Variants in CIZ1 observed in about 807,000 individuals in gnomAD.
The protein encoded by CIZ1 is cip1-interacting zinc finger protein.
Under a neutral mutation model 118.6 loss-of-function variants are expected in CIZ1, and 58 were observed. That is an observed-to-expected ratio of 0.49 (90% CI 0.40 to 0.61). The LOEUF is 0.61. CIZ1 is among the 20% of genes least tolerant of loss of function. CIZ1 has a pLI of 0.00. For missense variants in CIZ1, 921 were observed against 1,115.9 expected (o/e 0.83, Z 2.49); for synonymous variants, 448 against 443.4 (o/e 1.01, Z -0.13).
chr9:128,178,791 C>A lies in CIZ1; in HGVS notation c.1416G>T (p.Ser472=), dbSNP rs112085469. The A allele has an allele frequency of 1.4e-5, 22 of 1,614,146 alleles. No homozygotes were observed. In the South Asian group the frequency reaches 2.2e-4, roughly 16 times the overall value. The change falls in exon 8 of 17, where the codon TCG becomes TCT. Residue 472 remains serine (S), a synonymous_variant. Coordinates refer to ENST00000372938, the MANE Select transcript of CIZ1 (RefSeq NM_001131016.2). ...HEQPHTQPQV[S]LLAPEQTPVV... is the part of the protein sequence containing the mutation. ...CTGGTGTTTGCTCTGGAGCCAGCAA[C>A]GACACCTGCGGCTGGGTGTGAGGCT...
rs1831227931 is a variant in CIZ1 at position 128,179,020 on chromosome 9, T to A, written c.1187A>T (p.Glu396Val). The A allele has an allele frequency of 2.5e-6, 4 of 1,612,774 alleles. No individual in the cohort carries two copies. Among genetic ancestry groups the A allele is most frequent in the Non-Finnish European group, 3.4e-6 (4 of 1,178,850 alleles). The change falls in exon 8 of 17, where the codon GAG (glutamate) becomes GTG (valine). Residue 396 changes from glutamate to valine, a missense_variant. By Grantham distance (121) the Glu-to-Val change is moderately radical. Coordinates refer to ENST00000372938, the MANE Select transcript of CIZ1 (RefSeq NM_001131016.2). ...QGPRQVQLQQ[E>V]AEPLKQVQPQ... Reference sequence around the variant, plus strand: ...CTGCACCTGCTTCAGCGGCTCTGCCTCCTGCTGCAGCTGCACCTGCCTTGG... The same window carrying A: ...CTGCACCTGCTTCAGCGGCTCTGCCACCTGCTGCAGCTGCACCTGCCTTGG...
At chr9:128,191,739 C>T (rs1833184924), upstream of CIZ1, 1 of 1,391,858 alleles carries the variant, frequency 7.2e-7, no homozygotes, top group Non-Finnish European at 9.3e-7. The surrounding 1 kb of genome is among the most constrained non-coding windows in gnomAD (Gnocchi z 5.5). Context: ...TACCCTCTGT[C>T]CCGCGTCCTC....
chr9:128,195,020 C>T (rs998090095), upstream of CIZ1, among the ~76,000 whole-genome samples: 1 of 151,988 alleles, frequency 6.6e-6, no homozygotes. Flanking sequence ...AGGGGTCTCA[C>T]TATGTTGCCC....
intron 1 of CIZ1, among the ~76,000 whole-genome samples, chr9:128,199,161 A>G (rs900479963): frequency 2.6e-5 from 4 of 152,044 alleles, no homozygotes; most frequent in Non-Finnish European, 4.4e-5. Context: ...TGAGGTCAGG[A>G]GTTCAAGACC....
rs763487924 is a variant in CIZ1 at position 128,185,694 on chromosome 9, C to A, written c.441G>T (p.Leu147Phe). ...GAGTGGCCTGGGGAAAGAACTGTTG[C>A]AAATTTGGAGTGGCCAGTTGTGGGG... ...LTPPQLATPN[L>F]QQFFPQATRQ... The change falls in exon 5 of 17, where the codon TTG becomes TTT. Residue 147 changes from leucine to phenylalanine, a missense_variant. Transcript: ENST00000372938. The A allele has an allele frequency of 6.2e-7, 1 of 1,609,410 alleles. No individual in the cohort carries two copies. The highest frequency in any genetic ancestry group is 2.2e-5 in the East Asian group (1 of 44,812).
chr9:128,190,942 C>A, intron 1 of CIZ1, 80 bp from the exon 2 acceptor site: 2 of 1,467,026 alleles, frequency 1.4e-6, no homozygotes, highest in Non-Finnish European at 1.8e-6. Context: ...CGCCACTCCC[C>A]GCAGCCACAG....
At position 128,169,525 on chromosome 9, in the gene CIZ1, A is replaced by T. The variant is rs1158811596; in HGVS notation, c.2032-6T>A. 6.2e-7 allele frequency: 1 copy of T among 1,613,978 alleles called. No individual in the cohort carries two copies. The highest frequency in any genetic ancestry group is 1.1e-5 in the South Asian group (1 of 91,076). ...CGCAAGGATTGTTTGGCAATCTGGA[A>T]AAAGGCAGGCCAACCAAGCAGTGTC... is the stretch of plus-strand genomic sequence containing the variant. On this transcript the variant is annotated splice_region_variant and splice_polypyrimidine_tract_variant and intron_variant, in intron 12 of 16. Coordinates refer to ENST00000372938, the MANE Select transcript of CIZ1 (RefSeq NM_001131016.2).
chr9:128,203,346 A>C lies in CIZ1; in HGVS notation c.-6+840T>G. ...GCGTCCGGGAGCGGTGCTCGCTCCGATCCCCGAGGGGCGGGGGCCCCGCGG... is the reference window on the plus strand; with the variant it reads ...GCGTCCGGGAGCGGTGCTCGCTCCGCTCCCCGAGGGGCGGGGGCCCCGCGG... On this transcript the variant is annotated intron_variant, in intron 1 of 17. Transcript: ENST00000372948. The surrounding 1 kb of genome is among the most constrained non-coding windows in gnomAD (Gnocchi z 5.3). 1.1e-6 allele frequency: 1 copy of C among 942,474 alleles called. No individual in the cohort carries two copies. The highest frequency in any genetic ancestry group is 3.5e-5 in the South Asian group (1 of 28,462). The allele number at this position is 942,474 out of a possible 1,614,324, so 58.4% of individuals were successfully genotyped here.
chr9:128,192,741 C>G (rs1050999774), upstream of CIZ1, among the ~76,000 whole-genome samples: 54 of 152,312 alleles, frequency 3.5e-4, 1 homozygote, highest in African/African-American at 1.3e-3. Context: ...CGGGGCTTCA[C>G]CATGTTGGTC....
In CIZ1 at chr9:128,203,563, G is replaced by T; in HGVS notation, c.-6+623C>A. Reference sequence around the variant, plus strand: ...TCGGCCAGAACGCGGACCTCGACCTGCCGCAGATCGCTGTGGTGGGCGGCC... The same window carrying T: ...TCGGCCAGAACGCGGACCTCGACCTTCCGCAGATCGCTGTGGTGGGCGGCC... On this transcript the variant is annotated intron_variant, in intron 1 of 17. Coordinates refer to the CIZ1 transcript ENST00000372948. The surrounding 1 kb of genome is among the most constrained non-coding windows in gnomAD (Gnocchi z 5.3). The T allele has an allele frequency of 6.4e-7, 1 of 1,550,696 alleles. No individual in the cohort carries two copies.
rs1035958641 is a variant in CIZ1 at position 128,191,390 on chromosome 9, C to G, written c.-6+42G>C. The G allele has an allele frequency of 1.3e-6, 1 of 787,452 alleles. No individual in the cohort carries two copies. Among genetic ancestry groups the G allele is most frequent in the Non-Finnish European group, 1.5e-6 (1 of 646,810 alleles). 48.8% of individuals were successfully genotyped at this position (787,452 alleles called of 1,614,324 possible). A position where few individuals can be genotyped will look rare whatever the true frequency, so the allele number is the denominator to read the frequency against. On this transcript the variant is annotated intron_variant, in intron 1 of 16. Transcript: ENST00000372938. The surrounding 1 kb of genome is among the most constrained non-coding windows in gnomAD (Gnocchi z 5.5). Reference sequence around the variant, plus strand: ...GCCTCCTCCGCAGACACAGCCAGCTCGCAGGCGGAGCCCCACGACCCAGCC... The same window carrying G: ...GCCTCCTCCGCAGACACAGCCAGCTGGCAGGCGGAGCCCCACGACCCAGCC...
chr9:128,180,927 C>T, intron 5 of CIZ1, 113 bp from the exon 6 acceptor site: 1 of 746,608 alleles, frequency 1.3e-6, no homozygotes, highest in Non-Finnish European at 2.3e-6. Flanking sequence ...CTGAGGACCT[C>T]TGGTGGGCCT....
chr9:128,201,328 T>C (rs886938360), intron 1 of CIZ1, among the ~76,000 whole-genome samples: 1 of 151,942 alleles, frequency 6.6e-6, no homozygotes, highest in Non-Finnish European at 1.5e-5. Context: ...CACGTGCCTG[T>C]AGTCCCAGCT....
chr9:128,170,509 C>T (rs1428212772), intron 11 of CIZ1, among the ~76,000 whole-genome samples: 2 of 152,098 alleles, frequency 1.3e-5, no homozygotes, highest in African/African-American at 4.8e-5. Flanking sequence ...AAAAATTAGC[C>T]AGGCATGGTG....
intron 1 of CIZ1, among the ~76,000 whole-genome samples, chr9:128,200,657 CAA>C (rs71381745): frequency 2.2e-5 from 3 of 133,708 alleles, no homozygotes. Context: ...GACTCTGTCT[CAA>C]AAAAAAAAAA....
chr9:128,171,982 T>C (rs1349472652), intron 11 of CIZ1, among the ~76,000 whole-genome samples: 1 of 151,040 alleles, frequency 6.6e-6, no homozygotes. Flanking sequence ...AGTGTATCCT[T>C]TATGTAGGCA....
chr9:128,203,839 T>A lies in CIZ1; in HGVS notation c.-6+347A>T, dbSNP rs1833666556. Among the ~76,000 whole-genome samples the A allele has an allele frequency of 7.2e-6, 1 of 138,564 alleles. No individual in the cohort carries two copies. Among genetic ancestry groups the A allele is most frequent in the South Asian group, 2.4e-4 (1 of 4,124 alleles). The allele number at this position is 138,564 out of a possible 152,430, so 90.9% of individuals were successfully genotyped here. On this transcript the variant is annotated intron_variant, in intron 1 of 17. Coordinates refer to the CIZ1 transcript ENST00000372948. The surrounding 1 kb of genome is among the most constrained non-coding windows in gnomAD (Gnocchi z 5.3). ...AGCGCCCCCCGCTAGTCTGCAAACGTCGTCAAGCCTCCGGCTACCGAATCA... is the reference window on the plus strand; with the variant it reads ...AGCGCCCCCCGCTAGTCTGCAAACGACGTCAAGCCTCCGGCTACCGAATCA...
At chr9:128,195,649 T>C (rs1833359444), upstream of CIZ1, among the ~76,000 whole-genome samples, 1 of 152,130 alleles carries the variant, frequency 6.6e-6, no homozygotes, top group African/African-American at 2.4e-5. Context: ...GGACTTTATC[T>C]ATCTATCCCT....
Position 128,178,354 on chromosome 9 carries a change from A to T in CIZ1, c.1620+15T>A, listed in dbSNP as rs1238191014. 1 of 1,608,836 alleles carries T rather than the reference A, an allele frequency of 6.2e-7. No individual in the cohort carries two copies. Among genetic ancestry groups the T allele is most frequent in the East Asian group, 2.2e-5 (1 of 44,772 alleles). The stretch of plus-strand genomic sequence containing the variant: ...TCTGTGGCCCTCACACTGCCACATC[A>T]GGGCCTCTACCCACCCCTGGCATCT... On this transcript the variant is annotated intron_variant, in intron 9 of 16. Transcript: ENST00000372938.
Sources: gnomAD v4.1 joint callset for allele counts (sites outside exome capture counted in the v4.1 genomes callset) on GRCh38, gnomAD v4.1.1 for gene constraint, Gnocchi (gnomAD v3.1) non-coding constraint, MANE v1.5 for transcripts, NCBI Gene and HGNC (gene_info 2026-07-23, HGNC 2026-07-21) for gene names.